The following LRMDA variants were observed in gnomAD, a reference collection of about 807,000 sequenced individuals.
LRMDA encodes the protein leucine rich melanocyte differentiation associated, also known as leucine-rich melanocyte differentiation-associated protein.
LRMDA carries 18 observed loss-of-function variants against 29.8 expected under a neutral mutation model. The ratio of observed to expected loss-of-function variants is 0.60; its 90% CI spans 0.42 to 0.90. LRMDA has a LOEUF of 0.90. Ranked by LOEUF, LRMDA falls within the 40% of genes least tolerant of loss-of-function variation. The pLI, the probability that LRMDA is intolerant of heterozygous loss-of-function variation, is 0.00. For missense variants in LRMDA, 273 were observed against 273.9 expected, an observed-to-expected ratio of 1.00 and a Z score of 0.02; for synonymous variants, 125 against 109.4, an observed-to-expected ratio of 1.14 and a Z score of -0.89.
chr10:76,468,782 C>G (rs1008843426), intron 6 of LRMDA, among the ~76,000 whole-genome samples: 9 of 152,158 alleles, frequency 5.9e-5, no homozygotes, highest in African/African-American at 2.2e-4. Context: ...CTCTGAAATG[C>G]ATCCTGAAGA....
At chr10:75,823,217 C>G (rs1038801004) in intron 2 of LRMDA, among the ~76,000 whole-genome samples, 10 of 152,138 alleles carry the variant, frequency 6.6e-5, no homozygotes, top group Admixed American at 6.6e-4. Context: ...GACAATGCAT[C>G]TGACAAAAGG....
At chr10:76,373,793 G>C (rs973519776) in intron 6 of LRMDA, among the ~76,000 whole-genome samples, 6 of 151,992 alleles carry the variant, frequency 3.9e-5, no homozygotes, top group Non-Finnish European at 5.9e-5. Context: ...GTTCTTTTCT[G>C]TTTCAAACTT....
intron 6 of LRMDA, among the ~76,000 whole-genome samples, chr10:76,380,250 A>G (rs1177904378): frequency 6.6e-6 from 1 of 152,156 alleles, no homozygotes; most frequent in Non-Finnish European, 1.5e-5. Context: ...ATTTAAGTTC[A>G]AAGTTTCTTT....
intron 6 of LRMDA, among the ~76,000 whole-genome samples, chr10:76,442,963 A>C (rs1444512362): frequency 6.6e-6 from 1 of 152,174 alleles, no homozygotes; most frequent in African/African-American, 2.4e-5. Context: ...GGTCTCAAAA[A>C]ATTGTTCAAT....
At chr10:76,427,582 G>C (rs1177601005) in intron 6 of LRMDA, among the ~76,000 whole-genome samples, 1 of 152,068 alleles carries the variant, frequency 6.6e-6, no homozygotes. Flanking sequence ...TTTCCTAATT[G>C]AATGCCCTTT....
chr10:75,526,670 T>C (rs928577506), intron 2 of LRMDA, among the ~76,000 whole-genome samples: 3 of 151,898 alleles, frequency 2.0e-5, no homozygotes, highest in African/African-American at 7.3e-5. Flanking sequence ...CTGGACAACA[T>C]AGTGAGACTC....
At chr10:76,285,425 C>CTAT (rs1840259586) in intron 5 of LRMDA, among the ~76,000 whole-genome samples, 1 of 110,348 alleles carries the variant, frequency 9.1e-6, no homozygotes, top group African/African-American at 4.5e-5. Flanking sequence ...GCTAATTGTG[C>CTAT]TAAATATTAA....
At chr10:76,187,540 A>G (rs746492467) in intron 5 of LRMDA, among the ~76,000 whole-genome samples, 4 of 152,220 alleles carry the variant, frequency 2.6e-5, no homozygotes, top group Non-Finnish European at 5.9e-5. Flanking sequence ...TTGAGCTTCA[A>G]TTTCCTCATC....
chr10:76,314,106 A>G (rs1374244650), intron 5 of LRMDA, among the ~76,000 whole-genome samples: 5 of 152,220 alleles, frequency 3.3e-5, no homozygotes, highest in Non-Finnish European at 7.3e-5. Flanking sequence ...GAGAAGGAAT[A>G]TACTAATACC....
intron 2 of LRMDA, among the ~76,000 whole-genome samples, chr10:75,557,333 T>G (rs956559277): frequency 2.6e-4 from 35 of 133,942 alleles, no homozygotes; most frequent in East Asian, 1.9e-3. Flanking sequence ...AAAAAAAAAG[T>G]AAAATGGTAG....
At chr10:76,358,611 G>A (rs957437427) in intron 6 of LRMDA, among the ~76,000 whole-genome samples, 10 of 152,158 alleles carry the variant, frequency 6.6e-5, no homozygotes, top group African/African-American at 2.4e-4. Flanking sequence ...CTAAGGGTTG[G>A]GGTACACTGT....
At chr10:76,215,044 C>T (rs940704794) in intron 5 of LRMDA, among the ~76,000 whole-genome samples, 1 of 152,122 alleles carries the variant, frequency 6.6e-6, no homozygotes, top group African/African-American at 2.4e-5. Context: ...AACCAAATTC[C>T]GAAATATCAT....
At chr10:76,322,362 T>C (rs1589426945) in intron 5 of LRMDA, among the ~76,000 whole-genome samples, 2 of 152,186 alleles carry the variant, frequency 1.3e-5, no homozygotes, top group Non-Finnish European at 2.9e-5. Context: ...TTCCTAAACA[T>C]CCAGCCATAG....
At chr10:75,652,355 A>G (rs1292316858) in intron 2 of LRMDA, among the ~76,000 whole-genome samples, 2 of 152,308 alleles carry the variant, frequency 1.3e-5, no homozygotes, top group East Asian at 1.9e-4. Context: ...ATGTGTAGCC[A>G]TTGTAGGTTA....
At chr10:75,556,752 G>T (rs67279140) in intron 2 of LRMDA, among the ~76,000 whole-genome samples, 87,177 of 143,108 alleles carry the variant, frequency 0.61, 29,272 homozygotes, top group East Asian at 0.85. Flanking sequence ...TTGCATGATT[G>T]TTTTTTTTTT....
At chr10:76,308,786 G>A (rs914231002) in intron 5 of LRMDA, among the ~76,000 whole-genome samples, 7 of 152,180 alleles carry the variant, frequency 4.6e-5, no homozygotes, top group African/African-American at 1.7e-4. Context: ...AGGAAGAAAA[G>A]AAATATAATT....
chr10:75,937,398 C>T (rs1008573377), intron 2 of LRMDA, among the ~76,000 whole-genome samples: 2 of 152,158 alleles, frequency 1.3e-5, no homozygotes, highest in South Asian at 2.1e-4. Context: ...TCTTGTCAGC[C>T]GAGTAGCTTG....
chr10:75,818,834 G>A (rs1284061181), intron 2 of LRMDA, among the ~76,000 whole-genome samples: 3 of 152,138 alleles, frequency 2.0e-5, no homozygotes, highest in South Asian at 2.1e-4. Context: ...GTTATTGCAG[G>A]GCACGTTGAA....
intron 5 of LRMDA, among the ~76,000 whole-genome samples, chr10:76,147,758 A>G (rs1850357214): frequency 2.0e-5 from 3 of 151,792 alleles, no homozygotes; most frequent in South Asian, 2.1e-4. Context: ...GAGGAGAGGC[A>G]CTCTGCTTTT....
Sources: allele counts gnomAD v4.1 joint callset (sites outside exome capture counted in the v4.1 genomes callset), GRCh38; gene constraint gnomAD v4.1.1; transcripts MANE v1.5; gene names NCBI Gene and HGNC (gene_info 2026-07-23, HGNC 2026-07-21).